MAST4: variants seen among roughly 807,000 people sequenced by gnomAD.
MAST4 encodes the protein microtubule-associated serine/threonine-protein kinase 4.
Under a neutral mutation model 162.7 loss-of-function variants are expected in MAST4, and 89 were observed. The ratio of observed to expected loss-of-function variants is 0.55; its 90% CI spans 0.46 to 0.65. The LOEUF is 0.65. MAST4 is among the 30% of genes least tolerant of loss of function. The pLI, the probability that MAST4 is intolerant of heterozygous loss-of-function variation, is 0.00. For missense variants in MAST4, 3,153 were observed against 3,374.0 expected (o/e 0.93, Z 1.62); for synonymous variants, 1,479 against 1,361.1 (o/e 1.09, Z -1.91).
intron 10 of MAST4, 124 bp from the exon 11 acceptor site, chr5:67,109,974 A>G: frequency 1.5e-6 from 1 of 659,420 alleles, no homozygotes; most frequent in Middle Eastern, 2.8e-4. Context: ...ATCTTTTAAT[A>G]GCATTTTCTA....
At chr5:67,021,454 C>T (rs916774881) in intron 4 of MAST4, among the ~76,000 whole-genome samples, 3 of 151,596 alleles carry the variant, frequency 2.0e-5, no homozygotes, top group South Asian at 2.1e-4. Flanking sequence ...TTTGAAAATA[C>T]GCTAAAAAAA....
intron 4 of MAST4, among the ~76,000 whole-genome samples, chr5:66,951,608 G>A (rs1422920585): frequency 1.4e-5 from 2 of 139,320 alleles, no homozygotes; most frequent in Non-Finnish European, 3.1e-5. Context: ...ATGTGTGTGT[G>A]TGTGTGTGTG....
At position 67,164,281 on chromosome 5, in the gene MAST4, AC is replaced by A; in HGVS notation, c.5104del (p.Leu1702SerfsTer5). 1 of 1,613,942 alleles carries A rather than the reference AC, an allele frequency of 6.2e-7. No homozygotes were observed. The highest frequency in any genetic ancestry group is 8.5e-7 in the Non-Finnish European group (1 of 1,179,874). On this transcript the variant is annotated frameshift_variant, in exon 29 of 29. Transcript: ENST00000403625. LOFTEE classifies it low-confidence loss of function (END_TRUNC). The surrounding 1 kb of genome is among the most constrained non-coding windows in gnomAD (Gnocchi z 5.3). ...ATGTCACTTGAGGACAAAGAGGACA[AC>A]CTCTGCCCTGTGCTGAAGCCCAAGA... Reference protein sequence around the residue: ...KKMSLEDKEDNLCPVLKPKMT... With the variant: ...KKMSLEDKEDXLCPVLKPKMT...
chr5:66,689,215 C>G (rs1045866423), intron 1 of MAST4, among the ~76,000 whole-genome samples: 1 of 152,032 alleles, frequency 6.6e-6, no homozygotes, highest in African/African-American at 2.4e-5. Flanking sequence ...TTAATTGGCA[C>G]TTAGTATTCT....
chr5:66,924,483 T>C (rs922785094), intron 4 of MAST4, among the ~76,000 whole-genome samples: 19 of 151,830 alleles, frequency 1.3e-4, no homozygotes, highest in African/African-American at 4.1e-4. Flanking sequence ...AAGCTCCGCC[T>C]CCCAGGTTCA....
intron 1 of MAST4, among the ~76,000 whole-genome samples, chr5:66,612,164 T>G (rs1428104905): frequency 6.6e-6 from 1 of 151,780 alleles, no homozygotes; most frequent in Non-Finnish European, 1.5e-5. Flanking sequence ...GGGAGGTGAG[T>G]GGGTTGAGCC....
chr5:66,615,658 A>G (rs1051176329), intron 1 of MAST4, among the ~76,000 whole-genome samples: 1 of 152,060 alleles, frequency 6.6e-6, no homozygotes, highest in Non-Finnish European at 1.5e-5. Flanking sequence ...CCTTAAAAAA[A>G]AAAAATTAGC....
chr5:67,152,854 C>A lies in MAST4; in HGVS notation c.3513C>A (p.His1171Gln). 1 of 1,613,628 alleles carries A rather than the reference C, an allele frequency of 6.2e-7. No homozygotes were observed. Among genetic ancestry groups the A allele is most frequent in the Non-Finnish European group, 8.5e-7 (1 of 1,179,586 alleles). ...GAGACAGTGACATCTATACAGTGCA[C>A]CATATCGTCTGGGTAAGACCTGCAT... ...YVGDSDIYTV[H>Q]HIVWNVEEGS... Residue 1171 changes from histidine to glutamine, a missense_variant, in exon 25 of 29, where the codon CAC becomes CAA. By Grantham distance (24) the His-to-Gln change is conservative. Transcript: ENST00000403625.
chr5:67,102,287 T>C lies in MAST4; in HGVS notation c.1071-249T>C, dbSNP rs558717641. Among the ~76,000 whole-genome samples the C allele has an allele frequency of 7.2e-5, 11 of 152,340 alleles. No individual in the cohort carries two copies. In the South Asian group the frequency reaches 2.3e-3, roughly 32 times the overall value. ...CATTTTCTGAACTAGTATTGTATTG[T>C]AACTATGATGATTTTGTGGCATTCC... On this transcript the variant is annotated intron_variant, in intron 8 of 28. Transcript: ENST00000403625.
At chr5:66,713,040 T>G (rs1750596302) in intron 1 of MAST4, among the ~76,000 whole-genome samples, 1 of 152,194 alleles carries the variant, frequency 6.6e-6, no homozygotes, top group African/African-American at 2.4e-5. Context: ...CTCCACATAT[T>G]CCCCCATGCC....
At chr5:67,153,166 G>T (rs1385114982) in intron 25 of MAST4, among the ~76,000 whole-genome samples, 2 of 151,864 alleles carry the variant, frequency 1.3e-5, no homozygotes, top group Admixed American at 1.3e-4. Context: ...TTTTTTCCTA[G>T]CCTTCTTTTT....
intron 3 of MAST4, among the ~76,000 whole-genome samples, chr5:66,869,621 A>C (rs1002509907): frequency 2.0e-5 from 3 of 152,174 alleles, no homozygotes; most frequent in African/African-American, 7.2e-5. Context: ...ATTATGGGCA[A>C]CTCAAGTGGG....
At chr5:66,670,110 T>G (rs1747514780) in intron 1 of MAST4, among the ~76,000 whole-genome samples, 1 of 152,198 alleles carries the variant, frequency 6.6e-6, no homozygotes, top group Non-Finnish European at 1.5e-5. Flanking sequence ...GCAATTAACC[T>G]TTTGCACTGC....
chr5:66,797,386 A>G (rs1424182583), intron 3 of MAST4, among the ~76,000 whole-genome samples: 13 of 151,950 alleles, frequency 8.6e-5, no homozygotes, highest in Non-Finnish European at 1.6e-4. Context: ...CTTTTTCTAG[A>G]TATAGTTTTG....
In MAST4 at chr5:66,753,167, C is replaced by T. The variant is rs866617241; in HGVS notation, c.364-6542C>T. ...ATTCAAAGCAGTGTGTAGAGGGAAA[C>T]TTATAGCACTAAATGCCCAAAAGAG... On this transcript the variant is annotated intron_variant, in intron 1 of 28. Coordinates refer to ENST00000403625, the MANE Select transcript of MAST4 (RefSeq NM_001164664.2). Among the ~76,000 whole-genome samples the T allele has an allele frequency of 9.5e-3, 1,450 of 152,010 alleles. 10 individuals are homozygous for T. Among genetic ancestry groups the T allele is most frequent in the South Asian group, 0.05 (240 of 4,780 alleles).
chr5:66,732,020 C>G (rs1751887199), intron 1 of MAST4, among the ~76,000 whole-genome samples: 1 of 151,914 alleles, frequency 6.6e-6, no homozygotes, highest in Non-Finnish European at 1.5e-5. Context: ...CCTGTGATAC[C>G]AGTCCCACGC....
At chr5:67,162,819 G>C in intron 28 of MAST4, 31 bp downstream of exon 28, 2 of 1,594,712 alleles carry the variant, frequency 1.3e-6, no homozygotes, top group Non-Finnish European at 8.6e-7. Flanking sequence ...AAACAGCAGA[G>C]GGGAGGGGAG....
chr5:66,725,657 G>A (rs62360034), intron 1 of MAST4, among the ~76,000 whole-genome samples: 3 of 152,116 alleles, frequency 2.0e-5, no homozygotes, highest in Admixed American at 6.6e-5. Flanking sequence ...ATATCTTTTG[G>A]TCAGCTAGCT....
At chr5:67,090,111 A>G (rs572011054) in intron 5 of MAST4, 51 bp from the exon 6 acceptor site, 4 of 1,234,154 alleles carry the variant, frequency 3.2e-6, no homozygotes, top group Middle Eastern at 1.9e-4. Context: ...ATTGATGTGG[A>G]AATGATACAC....
Sources: gnomAD v4.1 joint callset for allele counts (sites outside exome capture counted in the v4.1 genomes callset) on GRCh38, gnomAD v4.1.1 for gene constraint, Gnocchi (gnomAD v3.1) non-coding constraint, MANE v1.5 for transcripts, NCBI Gene and HGNC (gene_info 2026-07-23, HGNC 2026-07-21) for gene names.